INO80: variants seen among roughly 807,000 people sequenced by gnomAD.
The protein encoded by INO80 is chromatin-remodeling ATPase INO80.
A neutral mutation model predicts 203.4 loss-of-function variants in INO80; 20 were observed. The observed-to-expected ratio is 0.10, with a 90% confidence interval of 0.07 to 0.14. The LOEUF (loss-of-function observed/expected upper bound fraction) is 0.14. Among genes scored for constraint, INO80 ranks in the 10% least tolerant of loss-of-function variants. The pLI, the probability that INO80 is intolerant of heterozygous loss-of-function variation, is 1.00. For missense variants in INO80, 1,419 were observed against 1,914.4 expected, an observed-to-expected ratio of 0.74 and a Z score of 4.83; for synonymous variants, 726 against 685.2, an observed-to-expected ratio of 1.06 and a Z score of -0.93.
At chr15:40,986,449 C>T (rs1329124556) in intron 31 of INO80, among the ~76,000 whole-genome samples, 1 of 151,250 alleles carries the variant, frequency 6.6e-6, no homozygotes, top group Non-Finnish European at 1.5e-5. Flanking sequence ...CTCAGCCTCC[C>T]GAGTAGCTGG....
chr15:41,101,145 T>A (rs2045802604), intron 1 of INO80, among the ~76,000 whole-genome samples: 1 of 152,068 alleles, frequency 6.6e-6, no homozygotes, highest in Non-Finnish European at 1.5e-5. Flanking sequence ...CATTTCTTAA[T>A]CACCTTTTAA....
chr15:41,099,821 C>G (rs2045781325), intron 1 of INO80, among the ~76,000 whole-genome samples: 1 of 151,850 alleles, frequency 6.6e-6, no homozygotes, highest in Non-Finnish European at 1.5e-5. Flanking sequence ...AAAATGAGAC[C>G]TAACGTGTAC....
intron 9 of INO80, 48 bp from the exon 10 acceptor site, chr15:41,074,613 C>A: frequency 7.5e-7 from 1 of 1,327,150 alleles, no homozygotes; most frequent in Non-Finnish European, 1.1e-6. Context: ...CAATGATATC[C>A]AAGAAGTAGT....
intron 9 of INO80, among the ~76,000 whole-genome samples, chr15:41,077,339 C>T (rs1176303929): frequency 2.1e-5 from 2 of 97,150 alleles, no homozygotes; most frequent in South Asian, 6.4e-4. Context: ...AAAAGAAAAA[C>T]AATACAATAG....
intron 24 of INO80, among the ~76,000 whole-genome samples, chr15:41,040,746 C>T (rs1566923788): frequency 6.6e-6 from 1 of 151,780 alleles, no homozygotes; most frequent in Non-Finnish European, 1.5e-5. Context: ...CAGTGCATTC[C>T]AGCCTGGGCA....
intron 23 of INO80, among the ~76,000 whole-genome samples, chr15:41,047,062 G>C (rs1294960236): frequency 6.6e-6 from 1 of 151,730 alleles, no homozygotes; most frequent in Non-Finnish European, 1.5e-5. Flanking sequence ...CCACTTCCCA[G>C]GTTCAAGCAA....
intron 1 of INO80, among the ~76,000 whole-genome samples, chr15:41,113,481 T>C (rs1319336551): frequency 1.3e-5 from 2 of 152,072 alleles, no homozygotes; most frequent in Non-Finnish European, 2.9e-5. Context: ...TTGGCCAGGC[T>C]GGTTTCGAAC....
intron 24 of INO80, among the ~76,000 whole-genome samples, chr15:41,032,595 G>C (rs563341367): frequency 6.6e-6 from 1 of 152,250 alleles, no homozygotes; most frequent in East Asian, 1.9e-4. Context: ...AAAACTCTAA[G>C]GATTTAATAC....
chr15:41,087,576 T>G lies in INO80; in HGVS notation c.644A>C (p.Glu215Ala). Residue 215 changes from glutamate to alanine, a missense_variant, in exon 6 of 36, where the codon GAA becomes GCA. Glu to Ala is a moderately radical substitution (Grantham distance 107). Coordinates refer to ENST00000648947, the MANE Select transcript of INO80 (RefSeq NM_017553.3). ...AACATGCTCACCTTTAAGTTTCTTT[T>G]CCTCCTTAAATTTCTTTTTCTTGGG... is the stretch of plus-strand genomic sequence containing the variant. ...LGPKKKKFKE[E>A]KKLKAKLKKV... The G allele has an allele frequency of 6.2e-7, 1 of 1,613,882 alleles. No homozygotes were observed. The highest frequency in any genetic ancestry group is 8.5e-7 in the Non-Finnish European group (1 of 1,179,994).
At chr15:41,108,481 A>G (rs2045913612) in intron 1 of INO80, among the ~76,000 whole-genome samples, 1 of 151,346 alleles carries the variant, frequency 6.6e-6, no homozygotes, top group Non-Finnish European at 1.5e-5. Flanking sequence ...AGTCCCAGCT[A>G]CTTGGGAGGC....
At chr15:41,062,609 T>C (rs1010527160) in intron 14 of INO80, among the ~76,000 whole-genome samples, 1 of 152,216 alleles carries the variant, frequency 6.6e-6, no homozygotes, top group Non-Finnish European at 1.5e-5. Flanking sequence ...GTTTATGTGC[T>C]GGAAACTTAA....
chr15:41,012,457 T>A (rs1281787480), intron 27 of INO80, among the ~76,000 whole-genome samples: 1 of 150,148 alleles, frequency 6.7e-6, no homozygotes, highest in Non-Finnish European at 1.5e-5. Flanking sequence ...TCCCAGCTGC[T>A]CTGGAGGCTG....
intron 20 of INO80, 119 bp from the exon 21 acceptor site, chr15:41,049,539 C>T (rs2044829072): frequency 2.2e-6 from 2 of 897,210 alleles, no homozygotes; most frequent in Non-Finnish European, 3.5e-6. Context: ...ATTTTCATCT[C>T]ATTAATAGCC....
At chr15:40,997,656 G>A in intron 28 of INO80, 55 bp from the exon 29 acceptor site, 1 of 1,151,844 alleles carries the variant, frequency 8.7e-7, no homozygotes, top group Non-Finnish European at 1.3e-6. Context: ...AAAATGGCAT[G>A]TATCAATAGA....
intron 1 of INO80, among the ~76,000 whole-genome samples, chr15:41,108,591 C>CAAA (rs61591905): frequency 5.6e-5 from 3 of 53,176 alleles, no homozygotes; most frequent in African/African-American, 6.8e-5. Flanking sequence ...GACTCCGTCT[C>CAAA]AAAAAAAAAA....
At chr15:40,986,976 C>G (rs1269461958) in intron 31 of INO80, 115 bp downstream of exon 31, 1 of 587,852 alleles carries the variant, frequency 1.7e-6, no homozygotes, top group Non-Finnish European at 3.1e-6. Flanking sequence ...AATATGAGCA[C>G]AAAAATACTT....
intron 17 of INO80, among the ~76,000 whole-genome samples, 184 bp from the exon 18 acceptor site, chr15:41,055,548 T>C (rs2044967523): frequency 6.6e-6 from 1 of 152,230 alleles, no homozygotes; most frequent in Non-Finnish European, 1.5e-5. Flanking sequence ...CCAACCCTAA[T>C]TTTATTAGGT....
intron 1 of INO80, among the ~76,000 whole-genome samples, chr15:41,098,172 G>GCAAT (rs2045753759): frequency 1.3e-5 from 2 of 152,030 alleles, no homozygotes; most frequent in East Asian, 3.9e-4. Context: ...AGCTTTAAAG[G>GCAAT]CAATCATACA....
chr15:40,980,080 C>T lies in INO80; in HGVS notation c.*143G>A, dbSNP rs538690562. The T allele has an allele frequency of 7.0e-6, 5 of 714,394 alleles. No individual in the cohort carries two copies. In the East Asian group the frequency reaches 7.6e-5, roughly 11 times the overall value. 44.3% of individuals were successfully genotyped at this position (714,394 alleles called of 1,614,324 possible). A position where few individuals can be genotyped will look rare whatever the true frequency, so the allele number is the denominator to read the frequency against. On this transcript the variant is annotated 3_prime_UTR_variant, in exon 36 of 36. Transcript: ENST00000648947. ...AGATGATAAAAGTGCTCACACCATC[C>T]ACCTGCCTGTCCTTCCCCTGCTGGA... is the stretch of plus-strand genomic sequence containing the variant.
Sources: allele counts gnomAD v4.1 joint callset (sites outside exome capture counted in the v4.1 genomes callset), GRCh38; gene constraint gnomAD v4.1.1; transcripts MANE v1.5; gene names NCBI Gene and HGNC (gene_info 2026-07-23, HGNC 2026-07-21).